Variants in FAM153A observed in about 807,000 individuals in gnomAD.
FAM153A encodes protein FAM153A.
Under a neutral mutation model 48.1 loss-of-function variants are expected in FAM153A, and 12 were observed. The observed-to-expected ratio is 0.25, with a 90% confidence interval of 0.16 to 0.40. The LOEUF (loss-of-function observed/expected upper bound fraction) is 0.40, where lower values mean the gene tolerates loss of function less well. Among genes scored for constraint, FAM153A ranks in the 10% least tolerant of loss-of-function variants. FAM153A has a pLI of 1.00. For synonymous variants in FAM153A, 36 were observed against 118.2 expected (o/e 0.30, Z 4.51); for missense variants, 111 against 345.8 (o/e 0.32, Z 5.38).
intron 24 of FAM153A, among the ~76,000 whole-genome samples, chr5:177,716,804 C>G (rs1759898576): frequency 6.6e-6 from 1 of 151,816 alleles, no homozygotes; most frequent in South Asian, 2.1e-4. Flanking sequence ...ATGATCTCTT[C>G]TTTTTCTTTT....
intron 1 of FAM153A, among the ~76,000 whole-genome samples, chr5:177,778,801 T>C (rs1376236911): frequency 9.4e-6 from 1 of 106,866 alleles, no homozygotes; most frequent in African/African-American, 3.7e-5. Context: ...TAAAAATGAA[T>C]AAATAAATAA....
chr5:177,706,159 AAAAG>A (rs1414428729), downstream of FAM153A, among the ~76,000 whole-genome samples: 3 of 151,708 alleles, frequency 2.0e-5, no homozygotes, highest in East Asian at 1.9e-4. Context: ...AATCTTGAAA[AAAAG>A]AAAGAATATA....
chr5:177,759,978 A>T (rs1171801084), intron 1 of FAM153A, among the ~76,000 whole-genome samples: 5 of 149,076 alleles, frequency 3.4e-5, no homozygotes, highest in Non-Finnish European at 7.4e-5. Context: ...AAATAAAAAA[A>T]AACAAAAAAA....
chr5:177,715,987 C>CTT lies in FAM153A; in HGVS notation c.*1222+356_*1222+357dup, dbSNP rs760706889. Among the ~76,000 whole-genome samples, 193 of 141,232 alleles carry CTT rather than the reference C, an allele frequency of 1.4e-3. 4 individuals carry two copies. Among genetic ancestry groups the CTT allele is most frequent in the South Asian group, 5.4e-3 (24 of 4,414 alleles). The allele number at this position is 141,232 out of a possible 152,430, so 92.7% of individuals were successfully genotyped here. ...CATCATGCCCAGCTTAGATTAAATA[C>CTT]TTTTTTTTTTTTTTTCAGATGGAGT... On this transcript the variant is annotated intron_variant and NMD_transcript_variant, in intron 25 of 26. Transcript: ENST00000360669.
chr5:177,759,880 C>A (rs1401707114), intron 1 of FAM153A, among the ~76,000 whole-genome samples: 24 of 151,530 alleles, frequency 1.6e-4, no homozygotes, highest in African/African-American at 5.6e-4. Context: ...GTGCAGCACA[C>A]CAACATGGCA....
chr5:177,752,618 CAAAAAAAAAA>C (rs71274705), intron 1 of FAM153A, among the ~76,000 whole-genome samples: 8 of 31,012 alleles, frequency 2.6e-4, no homozygotes, highest in Non-Finnish European at 3.4e-4. Context: ...GAGACTCTGC[CAAAAAAAAAA>C]AAAAAAAAAA....
chr5:177,753,977 C>T (rs995988112), upstream of FAM153A, among the ~76,000 whole-genome samples: 13 of 152,020 alleles, frequency 8.6e-5, no homozygotes, highest in Middle Eastern at 3.4e-3. Context: ...TGGGGATTGT[C>T]GGACAGTGGG....
chr5:177,697,718 G>T, the FAM153A span, among the ~76,000 whole-genome samples: 8 of 151,846 alleles, frequency 5.3e-5, no homozygotes, highest in Non-Finnish European at 1.0e-4. Context: ...GCTCTCTGAG[G>T]ATTGGGGGAC....
At chr5:177,770,846 C>T (rs1188805723) in intron 1 of FAM153A, among the ~76,000 whole-genome samples, 1 of 99,104 alleles carries the variant, frequency 1.0e-5, no homozygotes, top group African/African-American at 4.0e-5. Flanking sequence ...GTGTGGGAGG[C>T]ATGGAACATA....
At chr5:177,724,143 C>A in exon 21 of FAM153A, 1 of 1,610,112 alleles carries the variant, frequency 6.2e-7, no homozygotes, top group Non-Finnish European at 8.5e-7. Flanking sequence ...CCCAACATTT[C>A]AGGACATTCC....
At chr5:177,707,304 A>C (rs1696914), downstream of FAM153A, among the ~76,000 whole-genome samples, 1 of 151,748 alleles carries the variant, frequency 6.6e-6, no homozygotes, top group African/African-American at 2.4e-5. Flanking sequence ...AATCTCAAAA[A>C]AGCATTTAAA....
intron 25 of FAM153A, among the ~76,000 whole-genome samples, chr5:177,714,918 A>AGT (rs1397674872): frequency 8.9e-6 from 1 of 112,874 alleles, no homozygotes; most frequent in African/African-American, 3.3e-5. Flanking sequence ...GTACAGATGC[A>AGT]ACCATCCTTT....
At chr5:177,754,956 C>G (rs1014692328), upstream of FAM153A, among the ~76,000 whole-genome samples, 1 of 151,904 alleles carries the variant, frequency 6.6e-6, no homozygotes, top group South Asian at 2.1e-4. Flanking sequence ...GAACGCAGCT[C>G]CTCACCAGTA....
chr5:177,737,811 C>T lies in FAM153A; in HGVS notation c.563-699G>A, dbSNP rs2133722. 5.3e-5 allele frequency among the ~76,000 whole-genome samples: 8 copies of T among 151,778 alleles called. 1 individual carries two copies. Among genetic ancestry groups the T allele is most frequent in the African/African-American group, 9.7e-5 (4 of 41,066 alleles). On this transcript the variant is annotated intron_variant, in intron 10 of 20. Coordinates refer to ENST00000614127, the Ensembl canonical transcript of FAM153A. Reference sequence around the variant, plus strand: ...CTGGAATTACAGGTGTGAGCCACCACGCCTGACCAGAATATTCTGTACTAG... The same window carrying T: ...CTGGAATTACAGGTGTGAGCCACCATGCCTGACCAGAATATTCTGTACTAG...
exon 27 of FAM153A, chr5:177,711,922 C>T (rs745568661): frequency 1.8e-4 from 27 of 151,956 alleles, no homozygotes; most frequent in Non-Finnish European, 4.4e-5. Flanking sequence ...TTGGTTCTGC[C>T]ATTACTGTTA....
chr5:177,765,335 G>A (rs546892881), intron 1 of FAM153A, among the ~76,000 whole-genome samples: 34 of 104,936 alleles, frequency 3.2e-4, no homozygotes, highest in Non-Finnish European at 6.0e-4. Flanking sequence ...GGAACACCTG[G>A]ATTAAGTCCA....
downstream of FAM153A, among the ~76,000 whole-genome samples, chr5:177,709,343 A>C (rs1561848384): frequency 7.3e-6 from 1 of 136,996 alleles, no homozygotes; most frequent in Non-Finnish European, 1.5e-5. Flanking sequence ...AGATATTTGC[A>C]ATGTGATGTA....
the FAM153A span, among the ~76,000 whole-genome samples, chr5:177,702,481 A>T: frequency 6.6e-6 from 1 of 151,966 alleles, no homozygotes; most frequent in Admixed American, 6.5e-5. Context: ...CCTGGAAAGA[A>T]AAGGCCATTT....
chr5:177,731,605 GA>G lies in FAM153A; in HGVS notation c.832-7del. 3 of 1,007,600 alleles carry G rather than the reference GA, an allele frequency of 3.0e-6. No homozygotes were observed. Among genetic ancestry groups the G allele is most frequent in the Non-Finnish European group, 4.0e-6 (3 of 751,830 alleles). 62.4% of individuals were successfully genotyped at this position (1,007,600 alleles called of 1,614,324 possible). On this transcript the variant is annotated splice_polypyrimidine_tract_variant and splice_region_variant and intron_variant, in intron 15 of 20. Transcript: ENST00000614127. ...GTGGCTGGGTCCACCTGCATCTAGA[GA>G]AAAAGAAAACACTATGAGGGTCAGA...
Sources: allele counts gnomAD v4.1 joint callset (sites outside exome capture counted in the v4.1 genomes callset), GRCh38; gene constraint gnomAD v4.1.1; transcripts MANE v1.5; gene names NCBI Gene and HGNC (gene_info 2026-07-23, HGNC 2026-07-21).